NWD2: variants seen among roughly 807,000 people sequenced by gnomAD.
The protein encoded by NWD2 is NACHT and WD repeat domain containing 2.
In NWD2, 37 loss-of-function variants were observed where a neutral mutation model predicts 132.7. The observed-to-expected ratio is 0.28, with a 90% confidence interval of 0.21 to 0.37. NWD2 has a LOEUF of 0.37. NWD2 is among the 10% of genes least tolerant of loss of function. NWD2 has a pLI of 1.00. For synonymous variants in NWD2, 705 were observed against 803.0 expected (o/e 0.88, Z 2.06); for missense variants, 1,592 against 2,122.4 (o/e 0.75, Z 4.91).
chr4:37,430,022 G>A (rs375802814), intron 3 of NWD2, among the ~76,000 whole-genome samples: 11 of 151,974 alleles, frequency 7.2e-5, no homozygotes, highest in South Asian at 4.2e-4. Flanking sequence ...GGTTTCTTTT[G>A]CCAATTTAAT....
chr4:37,431,954 T>G (rs1225396153), intron 4 of NWD2, among the ~76,000 whole-genome samples: 3 of 150,086 alleles, frequency 2.0e-5, no homozygotes, highest in Non-Finnish European at 4.4e-5. Context: ...TAATTTATTA[T>G]TAATTCTTAA....
chr4:37,440,882 T>G (rs1285933894), intron 6 of NWD2, among the ~76,000 whole-genome samples: 1 of 152,200 alleles, frequency 6.6e-6, no homozygotes, highest in Non-Finnish European at 1.5e-5. Flanking sequence ...TGGTGTTAAT[T>G]CTGAAGCTCT....
At chr4:37,299,801 A>G (rs191990841) in intron 1 of NWD2, among the ~76,000 whole-genome samples, 87 of 152,278 alleles carry the variant, frequency 5.7e-4, no homozygotes, top group African/African-American at 2.0e-3. Context: ...ACTGAAATGT[A>G]TGATGAATTG....
At chr4:37,367,651 G>T (rs1720129204) in intron 3 of NWD2, among the ~76,000 whole-genome samples, 2 of 152,068 alleles carry the variant, frequency 1.3e-5, no homozygotes, top group African/African-American at 4.8e-5. Flanking sequence ...TAAAAATCCT[G>T]ATTACACACA....
At position 37,269,299 on chromosome 4, in the gene NWD2, T is replaced by C. The variant is rs544551369; in HGVS notation, c.151+24081T>C. 3.3e-5 allele frequency among the ~76,000 whole-genome samples: 5 copies of C among 152,044 alleles called. No individual in the cohort carries two copies. In the South Asian group the frequency reaches 1.0e-3, roughly 31 times the overall value. ...TCTCATGCTGCTAAATGGTTGGTTG[T>C]ACTTTTAATTAGGGAGCAATGCAAA... On this transcript the variant is annotated intron_variant, in intron 1 of 6. Coordinates refer to ENST00000309447, the MANE Select transcript of NWD2 (RefSeq NM_001144990.2).
In NWD2 at chr4:37,443,920, G is replaced by A. The variant is rs1052366280; in HGVS notation, c.1932G>A (p.Gln644=). 15 of 1,552,258 alleles carry A rather than the reference G, an allele frequency of 9.7e-6. No homozygotes were observed. The African/African-American group carries it at 1.9e-4, about 20-fold the overall frequency. ...LSVTVHESIE[Q]LFWSLEKKCG... is the part of the protein sequence containing the mutation. ...TCACCGTTCATGAAAGTATAGAGCA[G>A]TTATTCTGGTCCTTGGAGAAGAAGT... Residue 644 remains glutamine, a synonymous_variant, in exon 7 of 7, where the codon CAG becomes CAA. Transcript: ENST00000309447. The surrounding 1 kb of genome is among the most constrained non-coding windows in gnomAD (Gnocchi z 4.1).
chr4:37,245,058 C>G lies in NWD2; in HGVS notation c.-10C>G. 3.9e-6 allele frequency: 6 copies of G among 1,544,410 alleles called. No homozygotes were observed. The South Asian group carries it at 6.0e-5, about 15-fold the overall frequency. The stretch of plus-strand genomic sequence containing the variant: ...GCGGCGGCGGCAGTGGCTGTTCCTC[C>G]CAGAGGGCGATGTGGCCGGCCGGCG... On this transcript the variant is annotated 5_prime_UTR_variant, in exon 1 of 7. Coordinates refer to ENST00000309447, the MANE Select transcript of NWD2 (RefSeq NM_001144990.2).
At chr4:37,356,060 A>T (rs1002364) in intron 2 of NWD2, among the ~76,000 whole-genome samples, 16,754 of 152,144 alleles carry the variant, frequency 0.11, 1,242 homozygotes, top group South Asian at 0.23. Flanking sequence ...AGCTGCTTCA[A>T]ACCTTAAAAT....
intron 1 of NWD2, among the ~76,000 whole-genome samples, chr4:37,318,804 T>G (rs528682938): frequency 2.4e-4 from 37 of 152,318 alleles, no homozygotes; most frequent in African/African-American, 8.9e-4. Flanking sequence ...GCAAAGGACA[T>G]GATTTCATTA....
intron 2 of NWD2, among the ~76,000 whole-genome samples, chr4:37,345,940 G>A (rs753122272): frequency 6.6e-6 from 1 of 152,090 alleles, no homozygotes; most frequent in Non-Finnish European, 1.5e-5. Flanking sequence ...AATTAGCCAG[G>A]CATGGTGGCG....
intron 3 of NWD2, among the ~76,000 whole-genome samples, chr4:37,391,645 G>A (rs1359185333): frequency 6.6e-6 from 1 of 152,092 alleles, no homozygotes; most frequent in Non-Finnish European, 1.5e-5. Flanking sequence ...ATGGGTATGT[G>A]GGTTTCTCTT....
chr4:37,341,849 T>A (rs1396701639), intron 2 of NWD2, among the ~76,000 whole-genome samples: 1 of 152,220 alleles, frequency 6.6e-6, no homozygotes, highest in African/African-American at 2.4e-5. Context: ...AAATCTTAGC[T>A]ATGGTAATCA....
At position 37,405,474 on chromosome 4, in the gene NWD2, TAGAATAGAATAGAATAGAAA is replaced by T. The variant is rs1720983717; in HGVS notation, c.358-25096_358-25077del. Among the ~76,000 whole-genome samples, 3 of 103,006 alleles carry T rather than the reference TAGAATAGAATAGAATAGAAA, an allele frequency of 2.9e-5. No homozygotes were observed. The South Asian group carries it at 1.0e-3, about 36-fold the overall frequency. The allele number at this position is 103,006 out of a possible 152,430, so 67.6% of individuals were successfully genotyped here. A position where few individuals can be genotyped will look rare whatever the true frequency, so the allele number is the denominator to read the frequency against. ...TAGAATAGAATAGAATAGAATAGAATAGAATAGAATAGAATAGAAAACATCAGGGCGAATTGCATGTAATA... is the reference window on the plus strand; with the variant it reads ...TAGAATAGAATAGAATAGAATAGAATACATCAGGGCGAATTGCATGTAATA... On this transcript the variant is annotated intron_variant, in intron 3 of 6. Transcript: ENST00000309447.
At chr4:37,266,231 A>C (rs1717749069) in intron 1 of NWD2, among the ~76,000 whole-genome samples, 1 of 152,228 alleles carries the variant, frequency 6.6e-6, no homozygotes, top group Non-Finnish European at 1.5e-5. Flanking sequence ...AAGCCCAACA[A>C]ACACATTTAA....
intron 3 of NWD2, among the ~76,000 whole-genome samples, chr4:37,417,005 C>T (rs1016718173): frequency 6.6e-6 from 1 of 152,126 alleles, no homozygotes; most frequent in African/African-American, 2.4e-5. Flanking sequence ...GTATACTGCT[C>T]AGGTGATGAG....
chr4:37,253,003 C>G (rs1396311631), intron 1 of NWD2, among the ~76,000 whole-genome samples: 1 of 97,700 alleles, frequency 1.0e-5, no homozygotes, highest in South Asian at 2.5e-4. Flanking sequence ...TTACCACAAC[C>G]CCCCCCCCTT....
rs1182067344 is a variant in NWD2 at position 37,439,314 on chromosome 4, G to A, written c.1220G>A (p.Gly407Glu). Residue 407 changes from glycine (G) to glutamate (E), a missense_variant, in exon 6 of 7, where the codon GGA becomes GAA. Gly to Glu is a moderately conservative substitution (Grantham distance 98). Coordinates refer to ENST00000309447, the MANE Select transcript of NWD2 (RefSeq NM_001144990.2). The surrounding 1 kb of genome is among the most constrained non-coding windows in gnomAD (Gnocchi z 4.5). The stretch of plus-strand genomic sequence containing the variant: ...AACTACATTCTTCCAAGCAAAGCTG[G>A]ACACATCAACCCTCTTATTATATAT... Reference protein sequence around the residue: ...VHNYILPSKAGHINPLIIYGG... With the variant: ...VHNYILPSKAEHINPLIIYGG... 16 of 1,549,412 alleles carry A rather than the reference G, an allele frequency of 1.0e-5. No individual in the cohort carries two copies. Among genetic ancestry groups the A allele is most frequent in the Non-Finnish European group, 1.4e-5 (16 of 1,146,314 alleles).
chr4:37,385,667 G>T (rs1351750502), intron 3 of NWD2, among the ~76,000 whole-genome samples: 2 of 152,188 alleles, frequency 1.3e-5, no homozygotes, highest in Non-Finnish European at 2.9e-5. Flanking sequence ...CTTAACACCA[G>T]GCTGAGGGGC....
intron 2 of NWD2, among the ~76,000 whole-genome samples, chr4:37,338,149 G>A (rs1381038247): frequency 6.6e-6 from 1 of 152,144 alleles, no homozygotes; most frequent in Non-Finnish European, 1.5e-5. Context: ...AATATTCCTT[G>A]AACAGTATTT....
Sources: gnomAD v4.1 joint callset for allele counts (sites outside exome capture counted in the v4.1 genomes callset) on GRCh38, gnomAD v4.1.1 for gene constraint, Gnocchi (gnomAD v3.1) non-coding constraint, MANE v1.5 for transcripts, NCBI Gene and HGNC (gene_info 2026-07-23, HGNC 2026-07-21) for gene names.